ZMIZ1: variants seen among roughly 807,000 people sequenced by gnomAD.
ZMIZ1 encodes the protein zinc finger MIZ domain-containing protein 1.
ZMIZ1 carries 17 observed loss-of-function variants against 113.9 expected under a neutral mutation model. The ratio of observed to expected loss-of-function variants is 0.15; its 90% CI spans 0.10 to 0.22. The LOEUF (loss-of-function observed/expected upper bound fraction) is 0.22. Ranked by LOEUF, ZMIZ1 falls within the 10% of genes least tolerant of loss-of-function variation. The pLI is 1.00. For missense variants in ZMIZ1, 1,059 were observed against 1,477.8 expected, an observed-to-expected ratio of 0.72 and a Z score of 4.65; for synonymous variants, 607 against 603.1, an observed-to-expected ratio of 1.01 and a Z score of -0.09.
At chr10:79,254,928 GA>G (rs983017111) in intron 7 of ZMIZ1, among the ~76,000 whole-genome samples, 2 of 152,216 alleles carry the variant, frequency 1.3e-5, no homozygotes, top group African/African-American at 4.8e-5. Context: ...TGTGGTTGAA[GA>G]AACAAACCTC....
chr10:79,096,822 C>G (rs1843184734), intron 1 of ZMIZ1, among the ~76,000 whole-genome samples: 1 of 152,172 alleles, frequency 6.6e-6, no homozygotes, highest in African/African-American at 2.4e-5. Context: ...CAATCACAAT[C>G]AAGGACACCT....
At chr10:79,244,108 G>A (rs1410538578) in intron 7 of ZMIZ1, among the ~76,000 whole-genome samples, 1 of 152,256 alleles carries the variant, frequency 6.6e-6, no homozygotes, top group Non-Finnish European at 1.5e-5. Flanking sequence ...TTCGGAGGCA[G>A]CGCCTGAGGG....
chr10:79,251,730 A>G (rs1331952771), intron 7 of ZMIZ1, among the ~76,000 whole-genome samples: 1 of 152,214 alleles, frequency 6.6e-6, no homozygotes, highest in African/African-American at 2.4e-5. Context: ...TCTTCCCTGC[A>G]GGGAGTGGGG....
chr10:79,093,175 C>T (rs1348376662), intron 1 of ZMIZ1, among the ~76,000 whole-genome samples: 4 of 75,574 alleles, frequency 5.3e-5, no homozygotes, highest in East Asian at 6.0e-4. Flanking sequence ...CACACACACA[C>T]ATATTCAGGG....
intron 23 of ZMIZ1, among the ~76,000 whole-genome samples, chr10:79,309,447 T>C (rs1393488023): frequency 6.6e-6 from 1 of 152,076 alleles, no homozygotes; most frequent in African/African-American, 2.4e-5. Flanking sequence ...TGACCATGGG[T>C]GGTGGCCCAT....
At chr10:79,113,579 G>A (rs535531008) in intron 1 of ZMIZ1, among the ~76,000 whole-genome samples, 1 of 152,212 alleles carries the variant, frequency 6.6e-6, no homozygotes, top group Non-Finnish European at 1.5e-5. Flanking sequence ...CCCACAGGCT[G>A]TTGTTGGCAG....
rs1406194665 is a variant in ZMIZ1 at position 79,311,008 on chromosome 10, C to G, written c.2920C>G (p.Pro974Ala). 6.2e-7 allele frequency: 1 copy of G among 1,613,860 alleles called. No individual in the cohort carries two copies. The highest frequency in any genetic ancestry group is 8.5e-7 in the Non-Finnish European group (1 of 1,180,022). ...HVPHPSSQSG[P>A]PLHHSGAPPP... ...ACCACACCCCAGCAGCCAGTCAGGG[C>G]CTCCATTACATCACAGTGGGGCTCC... The change falls in exon 24 of 25, where the codon CCT becomes GCT. Residue 974 changes from proline to alanine, a missense_variant. Physicochemically the swap from Pro to Ala is conservative, Grantham distance 27. Coordinates refer to ENST00000334512, the MANE Select transcript of ZMIZ1 (RefSeq NM_020338.4).
At chr10:79,184,527 G>A (rs558488737) in intron 4 of ZMIZ1, among the ~76,000 whole-genome samples, 6 of 152,288 alleles carry the variant, frequency 3.9e-5, no homozygotes, top group African/African-American at 9.6e-5. Context: ...AGAGGCGCCC[G>A]GATAAGTGCC....
intron 8 of ZMIZ1, among the ~76,000 whole-genome samples, chr10:79,281,052 T>A (rs1419446460): frequency 6.6e-6 from 1 of 152,222 alleles, no homozygotes; most frequent in East Asian, 1.9e-4. Flanking sequence ...TTGTTGCTTA[T>A]GGTGGGCCAG....
At chr10:79,194,766 C>G (rs1357513438) in intron 4 of ZMIZ1, among the ~76,000 whole-genome samples, 1 of 152,214 alleles carries the variant, frequency 6.6e-6, no homozygotes, top group Admixed American at 6.5e-5. Context: ...TCTCAACGTT[C>G]TATCCTCCAA....
At chr10:79,305,658 G>A in intron 21 of ZMIZ1, 57 bp downstream of exon 21, 1 of 1,567,860 alleles carries the variant, frequency 6.4e-7, no homozygotes, top group Non-Finnish European at 8.8e-7. Context: ...CTGGATTAGA[G>A]CAAGGTGAGC....
At chr10:79,170,205 G>A (rs1167306669) in intron 4 of ZMIZ1, among the ~76,000 whole-genome samples, 2 of 152,216 alleles carry the variant, frequency 1.3e-5, no homozygotes, top group African/African-American at 4.8e-5. Context: ...ACACACTGGT[G>A]CCTGCAAAGG....
At chr10:79,078,217 C>T (rs1170014574) in intron 1 of ZMIZ1, among the ~76,000 whole-genome samples, 1 of 152,134 alleles carries the variant, frequency 6.6e-6, no homozygotes, top group Non-Finnish European at 1.5e-5. Flanking sequence ...ATAACAATAC[C>T]TACTTTTTGG....
intron 7 of ZMIZ1, among the ~76,000 whole-genome samples, chr10:79,253,913 C>T (rs554905560): frequency 3.2e-4 from 48 of 152,328 alleles, no homozygotes; most frequent in African/African-American, 1.2e-3. Context: ...CACACTCACA[C>T]ACACACTCAT....
intron 3 of ZMIZ1, among the ~76,000 whole-genome samples, chr10:79,154,485 A>T (rs975971856): frequency 6.6e-6 from 1 of 152,154 alleles, no homozygotes; most frequent in African/African-American, 2.4e-5. Context: ...CCAGCAGGAA[A>T]TTCCACTTAG....
intron 2 of ZMIZ1, among the ~76,000 whole-genome samples, chr10:79,136,601 G>GGCAT (rs1845020658): frequency 1.3e-5 from 2 of 152,254 alleles, no homozygotes; most frequent in South Asian, 4.1e-4. Context: ...GGCTGGCAAT[G>GGCAT]GCATCCCTGC....
intron 1 of ZMIZ1, among the ~76,000 whole-genome samples, chr10:79,092,467 C>T (rs942847597): frequency 1.3e-5 from 2 of 152,252 alleles, no homozygotes; most frequent in African/African-American, 4.8e-5. Context: ...CTAAGCCTCG[C>T]TGCACGCAGT....
intron 1 of ZMIZ1, among the ~76,000 whole-genome samples, chr10:79,076,464 G>C (rs570573345): frequency 4.6e-4 from 70 of 152,268 alleles, no homozygotes; most frequent in African/African-American, 1.7e-3. Flanking sequence ...GGGGAGTGTG[G>C]AACACTCCTG....
At chr10:79,281,031 T>C (rs1852706559) in intron 8 of ZMIZ1, among the ~76,000 whole-genome samples, 1 of 152,212 alleles carries the variant, frequency 6.6e-6, no homozygotes, top group Admixed American at 6.5e-5. Flanking sequence ...CTCCAAGTTA[T>C]TTTAGTAAAG....
Sources: allele counts gnomAD v4.1 joint callset (sites outside exome capture counted in the v4.1 genomes callset), GRCh38; gene constraint gnomAD v4.1.1; transcripts MANE v1.5; gene names NCBI Gene and HGNC (gene_info 2026-07-23, HGNC 2026-07-21).